PLXNA2: variants seen among roughly 807,000 people sequenced by gnomAD.
PLXNA2 encodes the protein plexin A2, also known as plexin-A2.
A neutral mutation model predicts 193.5 loss-of-function variants in PLXNA2; 91 were observed. The observed-to-expected ratio is 0.47, with a 90% CI of 0.40 to 0.56. The LOEUF (loss-of-function observed/expected upper bound fraction) is 0.56, where lower values mean the gene tolerates loss of function less well. Among genes scored for constraint, PLXNA2 ranks in the 20% least tolerant of loss-of-function variants. The pLI, the probability that PLXNA2 is intolerant of heterozygous loss-of-function variation, is 0.00. For missense variants in PLXNA2, 1,995 were observed against 2,503.2 expected, an observed-to-expected ratio of 0.80 and a Z score of 4.33; for synonymous variants, 997 against 1,027.3, an observed-to-expected ratio of 0.97 and a Z score of 0.56.
At chr1:208,066,520 G>T (rs1478006909) in intron 12 of PLXNA2, among the ~76,000 whole-genome samples, 1 of 152,166 alleles carries the variant, frequency 6.6e-6, no homozygotes, top group Non-Finnish European at 1.5e-5. Flanking sequence ...TGGCATTGTG[G>T]CAGTCATAAG....
At chr1:208,060,953 AC>A in intron 12 of PLXNA2, 116 bp from the exon 13 acceptor site, 1 of 839,766 alleles carries the variant, frequency 1.2e-6, no homozygotes, top group Non-Finnish European at 1.8e-6. Flanking sequence ...AAATTCCTCC[AC>A]CAGGAATTCT....
chr1:208,211,808 C>T (rs1028230567), intron 2 of PLXNA2, among the ~76,000 whole-genome samples: 1 of 151,968 alleles, frequency 6.6e-6, no homozygotes, highest in African/African-American at 2.4e-5. Flanking sequence ...TTGTAGGGCT[C>T]TTAAAGGGAA....
chr1:208,223,786 G>C (rs1671423544), intron 1 of PLXNA2, among the ~76,000 whole-genome samples: 1 of 152,292 alleles, frequency 6.6e-6, no homozygotes, highest in East Asian at 1.9e-4. Flanking sequence ...ATTAAAGTTA[G>C]ATATTAAGGG....
chr1:208,082,329 G>T lies in PLXNA2; in HGVS notation c.2395+83C>A. 1.9e-6 allele frequency: 2 copies of T among 1,029,360 alleles called. No homozygotes were observed. Among genetic ancestry groups the T allele is most frequent in the Non-Finnish European group, 3.0e-6 (2 of 667,870 alleles). The allele number at this position is 1,029,360 out of a possible 1,614,324, so 63.8% of individuals were successfully genotyped here. A position where few individuals can be genotyped will look rare whatever the true frequency, so the allele number is the denominator to read the frequency against. ...GGAGTGTATTATTCATGGCACAGCG[G>T]CTGGCTGGCTCTGATCCCTCTAGCC... is the stretch of plus-strand genomic sequence containing the variant. On this transcript the variant is annotated intron_variant, in intron 11 of 31. Coordinates refer to ENST00000367033, the MANE Select transcript of PLXNA2 (RefSeq NM_025179.4). The surrounding 1 kb of genome is among the most constrained non-coding windows in gnomAD (Gnocchi z 4.2).
chr1:208,049,421 G>A lies in PLXNA2; in HGVS notation c.3255+1588C>T, dbSNP rs1051632977. ...TCTGGGGACCCTGAGCTTCAGTCTGGAAATGGAGTGGGGGCCTAGGCTCTT... is the reference window on the plus strand; with the variant it reads ...TCTGGGGACCCTGAGCTTCAGTCTGAAAATGGAGTGGGGGCCTAGGCTCTT... On this transcript the variant is annotated intron_variant, in intron 17 of 31. Transcript: ENST00000367033. Among the ~76,000 whole-genome samples the A allele has an allele frequency of 2.6e-5, 4 of 151,850 alleles. No individual in the cohort carries two copies. In the East Asian group the frequency reaches 7.7e-4, roughly 29 times the overall value.
At chr1:208,230,864 G>A (rs1243562480) in intron 1 of PLXNA2, among the ~76,000 whole-genome samples, 5 of 152,266 alleles carry the variant, frequency 3.3e-5, no homozygotes, top group Admixed American at 1.3e-4. Context: ...TAACAGGCAC[G>A]CTCACAATTA....
At chr1:208,061,648 C>T (rs186929285) in intron 12 of PLXNA2, among the ~76,000 whole-genome samples, 10 of 152,328 alleles carry the variant, frequency 6.6e-5, no homozygotes, top group Admixed American at 4.6e-4. Context: ...GCAAGGATTG[C>T]TTATTTATTC....
At chr1:208,205,371 T>A (rs1670684405) in intron 3 of PLXNA2, among the ~76,000 whole-genome samples, 1 of 152,190 alleles carries the variant, frequency 6.6e-6, no homozygotes, top group African/African-American at 2.4e-5. Context: ...CAGGATAACC[T>A]GCTTTTCCCT....
chr1:208,180,104 T>A (rs541238775), intron 3 of PLXNA2, among the ~76,000 whole-genome samples: 2 of 151,616 alleles, frequency 1.3e-5, no homozygotes, highest in South Asian at 4.2e-4. Context: ...CTTGTGAACA[T>A]GTGCTTGGGT....
chr1:208,060,653 C>T (rs2251465), intron 13 of PLXNA2, 33 bp downstream of exon 13: 102,441 of 1,586,854 alleles, frequency 0.065, 3,595 homozygotes, highest in Admixed American at 0.12. Flanking sequence ...TCTGAAGCTC[C>T]CATGGGAAAA....
chr1:208,071,516 GTGTGTGTGTC>G (rs1665977208), intron 12 of PLXNA2, among the ~76,000 whole-genome samples: 1 of 152,188 alleles, frequency 6.6e-6, no homozygotes, highest in Non-Finnish European at 1.5e-5. Flanking sequence ...TGAAGTGTAT[GTGTGTGTGTC>G]TGTGTGTGTG....
At chr1:208,134,846 AC>A (rs895221848) in intron 4 of PLXNA2, among the ~76,000 whole-genome samples, 2 of 151,934 alleles carry the variant, frequency 1.3e-5, no homozygotes, top group African/African-American at 4.8e-5. Flanking sequence ...TGGAAGTGTG[AC>A]TCCCCACGTT....
chr1:208,099,537 C>T (rs1167940853), intron 5 of PLXNA2, among the ~76,000 whole-genome samples: 1 of 152,076 alleles, frequency 6.6e-6, no homozygotes, highest in Non-Finnish European at 1.5e-5. Context: ...GCCTCCAGAC[C>T]CTGTTTTCCT....
At position 208,027,201 on chromosome 1, in the gene PLXNA2, C is replaced by A; in HGVS notation, c.*42G>T. ...CCATCTGAGACTCCCAGTGTGACAG[C>A]TTGGACAGGTCCCTCTTCCCAGGAA... On this transcript the variant is annotated 3_prime_UTR_variant, in exon 32 of 32. Coordinates refer to ENST00000367033, the MANE Select transcript of PLXNA2 (RefSeq NM_025179.4). 1 of 1,534,274 alleles carries A rather than the reference C, an allele frequency of 6.5e-7. No individual in the cohort carries two copies. The highest frequency in any genetic ancestry group is 9.0e-7 in the Non-Finnish European group (1 of 1,110,280).
At chr1:208,185,719 G>GAAAAAAA (rs3991419) in intron 3 of PLXNA2, among the ~76,000 whole-genome samples, 5 of 105,526 alleles carry the variant, frequency 4.7e-5, no homozygotes, top group Non-Finnish European at 5.6e-5. Context: ...AAAAAAAAAA[G>GAAAAAAA]GAAAAAAAAA....
chr1:208,123,463 C>T (rs150719922), intron 4 of PLXNA2, among the ~76,000 whole-genome samples: 5 of 152,190 alleles, frequency 3.3e-5, no homozygotes, highest in African/African-American at 4.8e-5. Context: ...ATGATGTTTT[C>T]GAGTGTGGGC....
At chr1:208,030,206 C>A in intron 29 of PLXNA2, 1 of 985,596 alleles carries the variant, frequency 1.0e-6, no homozygotes, top group Non-Finnish European at 1.2e-6. Flanking sequence ...CTACCCTCCC[C>A]TTCTTCTGGC....
At chr1:208,033,860 T>G (rs1664585486) in intron 27 of PLXNA2, among the ~76,000 whole-genome samples, 1 of 152,228 alleles carries the variant, frequency 6.6e-6, no homozygotes, top group Non-Finnish European at 1.5e-5. Flanking sequence ...ATCTGGATAC[T>G]AAAGAGCTGC....
intron 3 of PLXNA2, among the ~76,000 whole-genome samples, chr1:208,144,767 G>A (rs1414397027): frequency 6.6e-6 from 1 of 152,084 alleles, no homozygotes; most frequent in Non-Finnish European, 1.5e-5. Flanking sequence ...CTAGTGAATG[G>A]GCTTCCTGCT....
Sources: gnomAD v4.1 joint callset for allele counts (sites outside exome capture counted in the v4.1 genomes callset) on GRCh38, gnomAD v4.1.1 for gene constraint, Gnocchi (gnomAD v3.1) non-coding constraint, MANE v1.5 for transcripts, NCBI Gene and HGNC (gene_info 2026-07-23, HGNC 2026-07-21) for gene names.